NCALD: variants seen among roughly 807,000 people sequenced by gnomAD.
The protein encoded by NCALD is neurocalcin-delta.
Under a neutral mutation model 18.6 loss-of-function variants are expected in NCALD, and 10 were observed. The ratio of observed to expected loss-of-function variants is 0.54; its 90% CI spans 0.33 to 0.91. The LOEUF is 0.91. NCALD is among the 40% of genes least tolerant of loss of function. NCALD has a pLI of 0.03. For synonymous variants in NCALD, 88 were observed against 87.4 expected, an observed-to-expected ratio of 1.01 and a Z score of -0.04; for missense variants, 184 against 247.6, an observed-to-expected ratio of 0.74 and a Z score of 1.72.
intron 4 of NCALD, among the ~76,000 whole-genome samples, chr8:101,821,914 T>G (rs1813738560): frequency 6.6e-6 from 1 of 151,522 alleles, no homozygotes; most frequent in Non-Finnish European, 1.5e-5. Context: ...AAAATGTAAT[T>G]TTTTTCCAGC....
chr8:102,081,576 A>ACCAC (rs1824538201), intron 1 of NCALD, among the ~76,000 whole-genome samples: 1 of 63,432 alleles, frequency 1.6e-5, no homozygotes, highest in Non-Finnish European at 2.9e-5. Flanking sequence ...AAAAAAAAAA[A>ACCAC]CCCCAAAAAA....
chr8:101,699,356 T>C (rs1182981747), intron 2 of NCALD, among the ~76,000 whole-genome samples: 1 of 152,222 alleles, frequency 6.6e-6, no homozygotes, highest in South Asian at 2.1e-4. Context: ...AGTGTGGCGA[T>C]TCCTCAAGGA....
intron 4 of NCALD, chr8:101,847,438 G>A (rs1814914546): frequency 6.2e-6 from 1 of 162,156 alleles, no homozygotes; most frequent in African/African-American, 2.4e-5. Context: ...GACAACAGTT[G>A]ACAAGCAAGT....
intron 1 of NCALD, among the ~76,000 whole-genome samples, chr8:102,052,328 C>A (rs1269887726): frequency 6.6e-6 from 1 of 152,162 alleles, no homozygotes; most frequent in African/African-American, 2.4e-5. Flanking sequence ...CTGGGTTAGG[C>A]ACATTTTATC....
chr8:102,011,813 G>A (rs1821912472), intron 2 of NCALD, among the ~76,000 whole-genome samples: 1 of 152,092 alleles, frequency 6.6e-6, no homozygotes, highest in Admixed American at 6.5e-5. Flanking sequence ...TCTAATTTAA[G>A]ATCATCCTTC....
chr8:101,864,768 G>T (rs1815697839), intron 4 of NCALD, among the ~76,000 whole-genome samples: 1 of 151,866 alleles, frequency 6.6e-6, no homozygotes, highest in South Asian at 2.1e-4. Context: ...CTAGTTTTTG[G>T]TATTTTTAGT....
intron 2 of NCALD, among the ~76,000 whole-genome samples, chr8:101,933,083 CT>C (rs1470097874): frequency 2.6e-5 from 4 of 152,174 alleles, no homozygotes; most frequent in Admixed American, 1.3e-4. Context: ...AAGTAGTTTG[CT>C]TGTGTTTCTA....
At chr8:101,915,164 T>C (rs1040779940) in intron 3 of NCALD, among the ~76,000 whole-genome samples, 2 of 152,226 alleles carry the variant, frequency 1.3e-5, no homozygotes, top group Non-Finnish European at 2.9e-5. Flanking sequence ...TATTTGGATG[T>C]GTTCCATAGT....
At chr8:101,894,339 A>G (rs909158676) in intron 3 of NCALD, among the ~76,000 whole-genome samples, 1 of 128,128 alleles carries the variant, frequency 7.8e-6, no homozygotes, top group African/African-American at 3.6e-5. Flanking sequence ...AACATACCAG[A>G]ATCTCTGGGA....
At chr8:102,016,070 A>T (rs1025499605) in intron 2 of NCALD, among the ~76,000 whole-genome samples, 1 of 152,080 alleles carries the variant, frequency 6.6e-6, no homozygotes, top group African/African-American at 2.4e-5. Flanking sequence ...GAACCAAAAC[A>T]TCTTCCTAGC....
At chr8:101,783,130 T>A (rs997767917) in intron 1 of NCALD, among the ~76,000 whole-genome samples, 5 of 152,270 alleles carry the variant, frequency 3.3e-5, no homozygotes, top group Middle Eastern at 6.8e-3. Context: ...AAAGGAATAT[T>A]TTCATAGGCA....
intron 4 of NCALD, among the ~76,000 whole-genome samples, chr8:101,875,475 C>G (rs1344171051): frequency 1.3e-5 from 2 of 152,184 alleles, no homozygotes; most frequent in Non-Finnish European, 2.9e-5. Flanking sequence ...GCTCGGTGCT[C>G]CGTGTCCCCT....
At chr8:102,099,993 A>G (rs201709799) in intron 1 of NCALD, among the ~76,000 whole-genome samples, 207 of 50,328 alleles carry the variant, frequency 4.1e-3, no homozygotes, top group Non-Finnish European at 6.6e-3. Flanking sequence ...AAAAAAAAAA[A>G]AAGAAGAAGA....
intron 4 of NCALD, among the ~76,000 whole-genome samples, chr8:101,821,055 C>T (rs925416624): frequency 2.6e-5 from 4 of 152,294 alleles, no homozygotes; most frequent in Middle Eastern, 3.4e-3. Context: ...AGTACACACA[C>T]GCATATACAC....
chr8:101,961,959 A>G (rs1819851352), intron 2 of NCALD, among the ~76,000 whole-genome samples: 1 of 152,196 alleles, frequency 6.6e-6, no homozygotes, highest in African/African-American at 2.4e-5. Context: ...TTTCACTCAG[A>G]TATATTTAGT....
chr8:101,845,558 A>G (rs1814832952), intron 4 of NCALD, among the ~76,000 whole-genome samples: 2 of 152,160 alleles, frequency 1.3e-5, no homozygotes, highest in African/African-American at 4.8e-5. Context: ...TGTAATTGTA[A>G]CTGTACATAT....
intron 1 of NCALD, among the ~76,000 whole-genome samples, chr8:101,746,714 TATTA>T (rs1209381429): frequency 2.0e-5 from 3 of 151,492 alleles, no homozygotes; most frequent in Non-Finnish European, 2.9e-5. Context: ...GTAAATTTTA[TATTA>T]ATTATAATTA....
At chr8:101,955,565 C>A (rs187146745) in intron 2 of NCALD, among the ~76,000 whole-genome samples, 1 of 152,250 alleles carries the variant, frequency 6.6e-6, no homozygotes, top group East Asian at 1.9e-4. Context: ...CAGTGTTTAA[C>A]AACATAACAG....
chr8:101,848,890 GTTATAA>G lies in NCALD; in HGVS notation c.-20+38245_-20+38250del, dbSNP rs1814980304. 2.4e-4 allele frequency among the ~76,000 whole-genome samples: 36 copies of G among 152,084 alleles called. 2 individuals are homozygous for G. The highest frequency in any genetic ancestry group is 2.4e-3 in the Admixed American group (36 of 15,266). Reference sequence around the variant, plus strand: ...TACCCAAAGGAATATAAATAATTCTGTTATAAAGATACATGCACACGTATGTTCATT... The same window carrying G: ...TACCCAAAGGAATATAAATAATTCTGAGATACATGCACACGTATGTTCATT... On this transcript the variant is annotated intron_variant, in intron 4 of 6. Transcript: ENST00000311028.
Sources: allele counts gnomAD v4.1 joint callset (sites outside exome capture counted in the v4.1 genomes callset), GRCh38; gene constraint gnomAD v4.1.1; transcripts MANE v1.5; gene names NCBI Gene and HGNC (gene_info 2026-07-23, HGNC 2026-07-21).